The following TRPM3 variants were observed in gnomAD, a reference collection of about 807,000 sequenced individuals.
TRPM3 encodes transient receptor potential cation channel subfamily M member 3.
Under a neutral mutation model 181.2 loss-of-function variants are expected in TRPM3, and 77 were observed. The ratio of observed to expected loss-of-function variants is 0.42; its 90% CI spans 0.35 to 0.51. The LOEUF (loss-of-function observed/expected upper bound fraction) is 0.51, where lower values mean the gene tolerates loss of function less well. Among genes scored for constraint, TRPM3 ranks in the 20% least tolerant of loss-of-function variants. TRPM3 has a pLI of 0.01. For missense variants in TRPM3, 1,759 were observed against 2,196.7 expected (o/e 0.80, Z 3.98); for synonymous variants, 745 against 796.4 (o/e 0.94, Z 1.09).
intron 1 of TRPM3, among the ~76,000 whole-genome samples, chr9:71,382,018 G>A (rs1239954028): frequency 6.6e-6 from 1 of 152,138 alleles, no homozygotes; most frequent in African/African-American, 2.4e-5. Context: ...CCAAGTTAGT[G>A]TATGAATAGA....
At position 71,389,692 on chromosome 9, in the gene TRPM3, A is replaced by T. The variant is rs903736800; in HGVS notation, c.183+56961T>A. Among the ~76,000 whole-genome samples, 7 of 152,152 alleles carry T rather than the reference A, an allele frequency of 4.6e-5. 1 individual carries two copies. The highest frequency in any genetic ancestry group is 1.5e-5 in the Non-Finnish European group (1 of 68,010). On this transcript the variant is annotated intron_variant, in intron 1 of 24. Transcript: ENST00000357533. ...GTTAACAGCATTTGCAGTGACCTGGATGAGATTGGAGACTATTATTCTAAG... is the reference window on the plus strand; with the variant it reads ...GTTAACAGCATTTGCAGTGACCTGGTTGAGATTGGAGACTATTATTCTAAG...
chr9:70,794,867 A>G (rs569855064), intron 6 of TRPM3, among the ~76,000 whole-genome samples: 39 of 152,348 alleles, frequency 2.6e-4, no homozygotes, highest in Middle Eastern at 6.8e-3. Flanking sequence ...ATGTTGATAC[A>G]TAAAAAGTAT....
intron 8 of TRPM3, among the ~76,000 whole-genome samples, chr9:70,757,495 T>C (rs1376165110): frequency 2.0e-5 from 3 of 152,134 alleles, no homozygotes; most frequent in Non-Finnish European, 4.4e-5. Context: ...GAAGCCAGCA[T>C]CATCCTGATA....
intron 1 of TRPM3, among the ~76,000 whole-genome samples, chr9:71,247,671 T>C (rs73647981): frequency 0.019 from 2,850 of 152,154 alleles, 97 homozygotes; most frequent in African/African-American, 0.066. Flanking sequence ...GCTGAACTTT[T>C]ATTTTCTCAG....
chr9:71,277,330 A>G (rs1024069647), intron 1 of TRPM3, among the ~76,000 whole-genome samples: 1 of 152,182 alleles, frequency 6.6e-6, no homozygotes, highest in Non-Finnish European at 1.5e-5. Flanking sequence ...AGTAACGTGT[A>G]CGTAGTTCTG....
chr9:71,255,777 T>A (rs1399542735), intron 1 of TRPM3, among the ~76,000 whole-genome samples: 1 of 152,188 alleles, frequency 6.6e-6, no homozygotes, highest in African/African-American at 2.4e-5. Context: ...TGTAAAATAA[T>A]GGGTTTCTAT....
chr9:70,805,684 C>T (rs780071153), intron 6 of TRPM3, among the ~76,000 whole-genome samples: 9 of 151,744 alleles, frequency 5.9e-5, no homozygotes, highest in Non-Finnish European at 1.3e-4. Flanking sequence ...ATTCATACAC[C>T]CTATAAGAGT....
intron 22 of TRPM3, among the ~76,000 whole-genome samples, chr9:70,567,912 G>A (rs2051068901): frequency 6.6e-6 from 1 of 152,074 alleles, no homozygotes; most frequent in South Asian, 2.1e-4. Flanking sequence ...CATTCTCAAT[G>A]ATCATACAAA....
chr9:71,261,570 T>C (rs2083055940), intron 1 of TRPM3, among the ~76,000 whole-genome samples: 1 of 152,232 alleles, frequency 6.6e-6, no homozygotes, highest in African/African-American at 2.4e-5. Context: ...TGTGATCCTT[T>C]GGAGAAGAAG....
At chr9:71,349,967 G>GTATATATA (rs2091514846) in intron 1 of TRPM3, among the ~76,000 whole-genome samples, 1 of 87,826 alleles carries the variant, frequency 1.1e-5, no homozygotes, top group Non-Finnish European at 2.2e-5. Context: ...CATTGTAAGT[G>GTATATATA]CATATATATA....
At chr9:71,311,856 A>T (rs916002952) in intron 1 of TRPM3, among the ~76,000 whole-genome samples, 1 of 152,118 alleles carries the variant, frequency 6.6e-6, no homozygotes, top group East Asian at 1.9e-4. Flanking sequence ...AAATCTTATC[A>T]TGTTTTAAGA....
At chr9:70,845,173 T>G (rs1564558079) in intron 4 of TRPM3, among the ~76,000 whole-genome samples, 1 of 152,184 alleles carries the variant, frequency 6.6e-6, no homozygotes, top group Non-Finnish European at 1.5e-5. Context: ...AAGAGAATTC[T>G]CAGTGTAGGT....
chr9:71,276,673 T>C (rs1019958642), intron 1 of TRPM3, among the ~76,000 whole-genome samples: 7 of 152,212 alleles, frequency 4.6e-5, no homozygotes, highest in Non-Finnish European at 8.8e-5. Context: ...ATGCCATTAA[T>C]AGAGAGCAAA....
At chr9:71,387,947 A>T (rs1565523161) in intron 1 of TRPM3, among the ~76,000 whole-genome samples, 1 of 152,178 alleles carries the variant, frequency 6.6e-6, no homozygotes. Flanking sequence ...ATATTTCTAC[A>T]TCATCTACAT....
intron 1 of TRPM3, among the ~76,000 whole-genome samples, chr9:71,002,724 A>G (rs2134250722): frequency 6.6e-6 from 1 of 152,312 alleles, no homozygotes; most frequent in South Asian, 2.1e-4. Context: ...AGTAAAAGGC[A>G]TAGCTCTAAC....
intron 1 of TRPM3, among the ~76,000 whole-genome samples, chr9:71,390,666 C>T (rs2093040990): frequency 6.6e-6 from 1 of 151,954 alleles, no homozygotes; most frequent in Admixed American, 6.6e-5. Context: ...TTAAAACTGT[C>T]AATCATTGAT....
intron 1 of TRPM3, among the ~76,000 whole-genome samples, chr9:70,957,981 C>T (rs893602240): frequency 7.9e-5 from 12 of 152,328 alleles, no homozygotes; most frequent in Middle Eastern, 3.4e-3. Flanking sequence ...AAAGAAGAGG[C>T]TTTAGCAACC....
At chr9:70,783,371 T>C (rs970990248) in intron 7 of TRPM3, among the ~76,000 whole-genome samples, 3 of 152,112 alleles carry the variant, frequency 2.0e-5, no homozygotes, top group Non-Finnish European at 4.4e-5. Context: ...TCAATCTCAC[T>C]CACACCTTAG....
At chr9:71,184,630 C>T (rs1217864973) in intron 1 of TRPM3, among the ~76,000 whole-genome samples, 1 of 152,092 alleles carries the variant, frequency 6.6e-6, no homozygotes, top group South Asian at 2.1e-4. Context: ...GAAGTGTTAA[C>T]CTAGAACTAG....
Sources: allele counts gnomAD v4.1 joint callset (sites outside exome capture counted in the v4.1 genomes callset), GRCh38; gene constraint gnomAD v4.1.1; transcripts MANE v1.5; gene names NCBI Gene and HGNC (gene_info 2026-07-23, HGNC 2026-07-21).